NPIPB2: variants seen among roughly 807,000 people sequenced by gnomAD.
NPIPB2 encodes nuclear pore complex-interacting protein family member B2.
In NPIPB2, 27 loss-of-function variants were observed where a neutral mutation model predicts 30.8. That is an observed-to-expected ratio of 0.88 (90% CI 0.65 to 1.21). The LOEUF is 1.21. Ranked by LOEUF, NPIPB2 falls within the 50% of genes most tolerant of loss-of-function variation. The probability of loss-of-function intolerance (pLI) is 0.00; values close to 1 mark genes in which losing one functional copy is unlikely to be tolerated. For synonymous variants in NPIPB2, 147 were observed against 162.0 expected, an observed-to-expected ratio of 0.91 and a Z score of 0.70; for missense variants, 440 against 446.2, an observed-to-expected ratio of 0.99 and a Z score of 0.13.
intron 1 of NPIPB2, among the ~76,000 whole-genome samples, chr16:11,959,995 G>C (rs1051249506): frequency 1.3e-5 from 2 of 152,128 alleles, no homozygotes; most frequent in South Asian, 4.1e-4. Flanking sequence ...AGGCTGTCTC[G>C]AACTACTGGG....
Position 11,947,579 on chromosome 16 carries a change from C to T in NPIPB2, c.-583-5465G>A, listed in dbSNP as rs1244682876. ...CAGGAGGGTCTCAATCTCCTGACCT[C>T]GTGATCTGCCCACCTCGGCCTCCCA... On this transcript the variant is annotated intron_variant, in intron 1 of 5. Coordinates refer to the NPIPB2 transcript ENST00000538896. Among the ~76,000 whole-genome samples, 22 of 151,714 alleles carry T rather than the reference C, an allele frequency of 1.5e-4. No homozygotes were observed. The East Asian group carries it at 3.1e-3, about 22-fold the overall frequency.
intron 1 of NPIPB2, chr16:11,967,114 T>C (rs2055200549): frequency 1.5e-5 from 3 of 204,534 alleles, no homozygotes; most frequent in South Asian, 6.4e-5. Flanking sequence ...AATTCTCCCA[T>C]CTCAGCCTCC....
intron 2 of NPIPB2, among the ~76,000 whole-genome samples, chr16:11,934,678 G>A (rs1223546755): frequency 2.0e-5 from 3 of 151,550 alleles, no homozygotes; most frequent in Non-Finnish European, 4.4e-5. Flanking sequence ...GGGCAACATG[G>A]TGAAACCCCG....
At chr16:11,952,277 G>A (rs1194252927) in intron 1 of NPIPB2, among the ~76,000 whole-genome samples, 1 of 151,690 alleles carries the variant, frequency 6.6e-6, no homozygotes, top group Non-Finnish European at 1.5e-5. Flanking sequence ...GAACCGGGGA[G>A]GTGGAGCTTG....
exon 8 of NPIPB2, chr16:11,927,418 C>A: frequency 9.0e-7 from 1 of 1,107,604 alleles, no homozygotes; most frequent in Non-Finnish European, 1.3e-6. Context: ...TCAACCTCCG[C>A]CTCTTGGGCT....
At chr16:11,938,166 C>A (rs897114463) in intron 1 of NPIPB2, among the ~76,000 whole-genome samples, 1 of 152,018 alleles carries the variant, frequency 6.6e-6, no homozygotes, top group Non-Finnish European at 1.5e-5. Flanking sequence ...TTACAGGTCT[C>A]TGCCACCATG....
At chr16:11,936,482 T>C (rs1368811178) in intron 2 of NPIPB2, among the ~76,000 whole-genome samples, 6 of 149,638 alleles carry the variant, frequency 4.0e-5, no homozygotes, top group Non-Finnish European at 7.5e-5. Flanking sequence ...ATTATCTAGG[T>C]GGTAAAACTG....
At chr16:11,947,398 G>A (rs1050345303) in intron 1 of NPIPB2, among the ~76,000 whole-genome samples, 3 of 150,288 alleles carry the variant, frequency 2.0e-5, no homozygotes, top group African/African-American at 7.3e-5. Context: ...AGGCTGGAGT[G>A]CAGTGGCGCG....
At chr16:11,950,701 C>G (rs953117218) in intron 1 of NPIPB2, among the ~76,000 whole-genome samples, 1 of 152,086 alleles carries the variant, frequency 6.6e-6, no homozygotes, top group South Asian at 2.1e-4. Context: ...ACCGCTCCCT[C>G]CCTCCTCTCA....
chr16:11,971,330 T>C (rs370768), intron 1 of NPIPB2, among the ~76,000 whole-genome samples: 149,821 of 151,990 alleles, frequency 0.99, 73,881 homozygotes, highest in East Asian at 1. Context: ...GTGGTTGGGC[T>C]ACAACTTTGT....
rs1030643310 is a variant in NPIPB2 at position 11,941,764 on chromosome 16, T to C, written c.63+219A>G. 6.9e-5 allele frequency: 69 copies of C among 1,005,838 alleles called. 2 individuals are homozygous for C. The highest frequency in any genetic ancestry group is 2.5e-4 in the South Asian group (18 of 73,354). 62.3% of individuals were successfully genotyped at this position (1,005,838 alleles called of 1,614,324 possible). On this transcript the variant is annotated intron_variant, in intron 1 of 7. Coordinates refer to ENST00000399147, the Ensembl canonical transcript of NPIPB2. ...ACATGCCAAGTAGCGCCCGCATCAT[T>C]CCAATGACCCCTCCCCCATCTCAGT...
At chr16:11,934,659 C>T (rs909483034) in intron 2 of NPIPB2, among the ~76,000 whole-genome samples, 3 of 151,082 alleles carry the variant, frequency 2.0e-5, no homozygotes, top group African/African-American at 7.3e-5. Context: ...AAGAGATGGA[C>T]ACCATCTTGG....
rs185032865 is a variant in NPIPB2, at chr16:11,972,135, G to A, written c.-584+4433C>T. Among the ~76,000 whole-genome samples the A allele has an allele frequency of 7.2e-5, 11 of 152,052 alleles. No individual in the cohort carries two copies. In the East Asian group the frequency reaches 1.8e-3, roughly 24 times the overall value. ...CACTCCACAGCCCAGGCGACAATGC[G>A]AGACTCTGTCTCAAAAAAACAAAAA... On this transcript the variant is annotated intron_variant, in intron 1 of 5. Transcript: ENST00000538896.
At chr16:11,964,334 C>T (rs1036542732) in intron 1 of NPIPB2, among the ~76,000 whole-genome samples, 1 of 152,094 alleles carries the variant, frequency 6.6e-6, no homozygotes, top group Non-Finnish European at 1.5e-5. Context: ...CCTCTTTCCA[C>T]GAGCTCTTAC....
chr16:11,932,711 G>T (rs1444018854), intron 4 of NPIPB2, among the ~76,000 whole-genome samples: 3 of 117,674 alleles, frequency 2.5e-5, no homozygotes, highest in African/African-American at 9.4e-5. Flanking sequence ...GGGAGGTGGA[G>T]GTTGCAGTGA....
At chr16:11,943,946 C>T (rs1415128835), upstream of NPIPB2, among the ~76,000 whole-genome samples, 3 of 134,954 alleles carry the variant, frequency 2.2e-5, no homozygotes, top group Non-Finnish European at 3.1e-5. Flanking sequence ...GGCAGTGAGC[C>T]GAGATCGCGC....
intron 1 of NPIPB2, chr16:11,956,253 C>T (rs1307168557): frequency 1.3e-5 from 2 of 152,178 alleles, no homozygotes; most frequent in Non-Finnish European, 2.9e-5. Flanking sequence ...AGTGGGAGAA[C>T]CAAGCCTTGA....
upstream of NPIPB2, among the ~76,000 whole-genome samples, chr16:11,946,180 G>GAC (rs2055007203): frequency 6.6e-6 from 1 of 152,004 alleles, no homozygotes; most frequent in Admixed American, 6.6e-5. Context: ...GAGGTCAGGA[G>GAC]TTCAAGACCA....
chr16:11,973,967 T>A (rs2055251683), intron 1 of NPIPB2, among the ~76,000 whole-genome samples: 1 of 152,188 alleles, frequency 6.6e-6, no homozygotes, highest in Non-Finnish European at 1.5e-5. Flanking sequence ...TTTGAATGAT[T>A]CTGAGAGGGT....
Sources: allele counts gnomAD v4.1 joint callset (sites outside exome capture counted in the v4.1 genomes callset), GRCh38; gene constraint gnomAD v4.1.1; transcripts MANE v1.5; gene names NCBI Gene and HGNC (gene_info 2026-07-23, HGNC 2026-07-21).